OTP: variants seen among roughly 807,000 people sequenced by gnomAD.
OTP encodes homeobox protein orthopedia.
OTP carries 5 observed loss-of-function variants against 22.3 expected under a neutral mutation model. That is an observed-to-expected ratio of 0.22 (90% CI 0.12 to 0.47). OTP has a LOEUF of 0.47. OTP is among the 20% of genes least tolerant of loss of function. The pLI is 0.99. For missense variants in OTP, 428 were observed against 456.2 expected (o/e 0.94, Z 0.56); for synonymous variants, 229 against 210.6 (o/e 1.09, Z -0.76).
Position 77,630,447 on chromosome 5 carries a change from C to G in OTP, c.795G>C (p.Gln265His). The G allele has an allele frequency of 6.3e-7, 1 of 1,582,192 alleles. No homozygotes were observed. The highest frequency in any genetic ancestry group is 8.6e-7 in the Non-Finnish European group (1 of 1,165,982). ...SLAGSNGAGL[Q>H]SHLYQPAFPG... is the part of the protein sequence containing the mutation. ...GGAAGGCGGGCTGGTAGAGGTGCGA[C>G]TGCAGCCCCGCGCCGTTGGAACCCG... The change falls in exon 3 of 3, where the codon CAG (glutamine) becomes CAC (histidine). Residue 265 changes from glutamine (Q) to histidine (H), a missense_variant. Around this residue, in one of 3 missense-constraint regions of OTP, gnomAD observed 236 missense variants for 238.1 expected, o/e 0.99. Transcript: ENST00000306422.
At chr5:77,636,562 C>T in intron 2 of OTP, 1 of 426,178 alleles carries the variant, frequency 2.3e-6, no homozygotes, top group East Asian at 3.8e-5. Context: ...CCCTGTAGCC[C>T]GACAACGCCG....
chr5:77,633,335 A>G (rs1283585625), intron 2 of OTP, among the ~76,000 whole-genome samples: 1 of 152,184 alleles, frequency 6.6e-6, no homozygotes, highest in Non-Finnish European at 1.5e-5. Context: ...TGATGGCTAC[A>G]AATTTTTTTA....
At chr5:77,631,546 C>T (rs1042003698) in intron 2 of OTP, among the ~76,000 whole-genome samples, 5 of 138,446 alleles carry the variant, frequency 3.6e-5, no homozygotes, top group Non-Finnish European at 7.8e-5. Flanking sequence ...GCCTTCAACC[C>T]TATTCTTTTT....
At position 77,629,691 on chromosome 5, in the gene OTP, G is replaced by T. The variant is rs1022851793; in HGVS notation, c.*573C>A. On this transcript the variant is annotated 3_prime_UTR_variant, in exon 3 of 3. Transcript: ENST00000306422. ...GTAGCGTCTGAGCGTGAGCGAGAGT[G>T]CGAGTGTGTGTGTTTCTGCCCACAA... is the stretch of plus-strand genomic sequence containing the variant. 1.3e-5 allele frequency: 2 copies of T among 153,264 alleles called. No homozygotes were observed. The highest frequency in any genetic ancestry group is 4.8e-5 in the African/African-American group (2 of 41,480). The allele number at this position is 153,264 out of a possible 1,614,324, so 9.5% of individuals were successfully genotyped here.
At chr5:77,635,865 T>C (rs1439298711) in intron 2 of OTP, 1 of 151,294 alleles carries the variant, frequency 6.6e-6, no homozygotes, top group East Asian at 1.9e-4. Flanking sequence ...CAGGCACCTG[T>C]CCATAAAATA....
At chr5:77,638,417 A>G in intron 1 of OTP, 96 bp downstream of exon 1, 3 of 1,156,406 alleles carry the variant, frequency 2.6e-6, no homozygotes, top group Non-Finnish European at 3.8e-6. Context: ...TAAAGAAATT[A>G]GTCCATTTAG....
chr5:77,630,608 C>A lies in OTP; in HGVS notation c.634G>T (p.Ala212Ser). Residue 212 changes from alanine to serine, a missense_variant, in exon 3 of 3, where the codon GCC becomes TCC. Physicochemically the swap from Ala to Ser is moderately conservative, Grantham distance 99. Coordinates refer to ENST00000306422, the MANE Select transcript of OTP (RefSeq NM_032109.3). ...AGCTGTGACACGCCAGGCATGGCGGCCGCCGCCCAGCGGGTGTCGTTGGCG... is the reference window on the plus strand; with the variant it reads ...AGCTGTGACACGCCAGGCATGGCGGACGCCGCCCAGCGGGTGTCGTTGGCG... ...FHANDTRWAAAAMPGVSQLPL... is the reference protein window; with the variant it reads ...FHANDTRWAASAMPGVSQLPL... 3 of 1,552,152 alleles carry A rather than the reference C, an allele frequency of 1.9e-6. No homozygotes were observed. Among genetic ancestry groups the A allele is most frequent in the Non-Finnish European group, 2.6e-6 (3 of 1,156,110 alleles).
Position 77,630,746 on chromosome 5 carries a change from T to A in OTP, c.496A>T (p.Thr166Ser). 6.3e-7 allele frequency: 1 copy of A among 1,579,768 alleles called. No individual in the cohort carries two copies. The highest frequency in any genetic ancestry group is 8.5e-7 in the Non-Finnish European group (1 of 1,171,408). ...GTGCCGGGCGCACGGAACACGTTGG[T>A]CGTCTTTTTGCGCTTCTTCCACTTG... Reference protein sequence around the residue: ...RAKWKKRKKTTNVFRAPGTLL... With the variant: ...RAKWKKRKKTSNVFRAPGTLL... The change falls in exon 3 of 3, where the codon ACC becomes TCC. Residue 166 changes from threonine to serine, a missense_variant. Physicochemically the swap from Thr to Ser is moderately conservative, Grantham distance 58. Coordinates refer to ENST00000306422, the MANE Select transcript of OTP (RefSeq NM_032109.3).
rs1400348574 is a variant in OTP at position 77,631,714 on chromosome 5, G to A, written c.448-920C>T. 4.6e-5 allele frequency among the ~76,000 whole-genome samples: 7 copies of A among 151,980 alleles called. No homozygotes were observed. In the East Asian group the frequency reaches 1.4e-3, roughly 29 times the overall value. ...CGAGTAGCTAGGATTACAGAAACGC[G>A]CCACCATGCCCAGATAATTTTTGTA... On this transcript the variant is annotated intron_variant, in intron 2 of 2. Coordinates refer to ENST00000306422, the MANE Select transcript of OTP (RefSeq NM_032109.3).
At chr5:77,630,906 G>T in intron 2 of OTP, 112 bp from the exon 3 acceptor site, 3 of 1,217,428 alleles carry the variant, frequency 2.5e-6, no homozygotes, top group Admixed American at 3.0e-5. Context: ...TCTGCCCTGG[G>T]AGGAACAAGT....
chr5:77,629,975 G>A lies in OTP; in HGVS notation c.*289C>T, dbSNP rs550882719. The A allele has an allele frequency of 2.5e-5, 5 of 198,636 alleles. No homozygotes were observed. The highest frequency in any genetic ancestry group is 6.0e-5 in the Admixed American group (1 of 16,590). 12.3% of individuals were successfully genotyped at this position (198,636 alleles called of 1,614,324 possible). On this transcript the variant is annotated 3_prime_UTR_variant, in exon 3 of 3. Transcript: ENST00000306422. Reference sequence around the variant, plus strand: ...GGAGGCCAGGGTGGCGGGAAGGGTGGGCTGAGGCGCTGGAGACCGAGCCGA... The same window carrying A: ...GGAGGCCAGGGTGGCGGGAAGGGTGAGCTGAGGCGCTGGAGACCGAGCCGA...
chr5:77,631,991 C>T (rs935931725), intron 2 of OTP, among the ~76,000 whole-genome samples: 2 of 152,166 alleles, frequency 1.3e-5, no homozygotes, highest in Non-Finnish European at 2.9e-5. Context: ...AAGGAGGTCA[C>T]ATTTCACTAC....
chr5:77,631,482 C>G (rs1265756376), intron 2 of OTP, among the ~76,000 whole-genome samples: 1 of 151,376 alleles, frequency 6.6e-6, no homozygotes, highest in African/African-American at 2.4e-5. Context: ...CCAAACCACT[C>G]TATGGACACC....
At chr5:77,631,193 G>A (rs908128560) in intron 2 of OTP, among the ~76,000 whole-genome samples, 3 of 152,372 alleles carry the variant, frequency 2.0e-5, no homozygotes, top group Middle Eastern at 3.4e-3. Context: ...GTGTACCCAT[G>A]TAGCTTAATA....
At chr5:77,635,392 A>G (rs186654962) in intron 2 of OTP, among the ~76,000 whole-genome samples, 1 of 152,350 alleles carries the variant, frequency 6.6e-6, no homozygotes, top group East Asian at 1.9e-4. Flanking sequence ...CAGTTACACA[A>G]TTAGTACTCT....
intron 2 of OTP, chr5:77,636,516 G>T (rs1049156054): frequency 3.0e-6 from 1 of 334,924 alleles, no homozygotes; most frequent in Non-Finnish European, 5.4e-6. Context: ...CGCCCGGGGG[G>T]GCGCTGAGGT....
chr5:77,630,889 C>T, intron 2 of OTP, 95 bp from the exon 3 acceptor site: 1 of 1,310,102 alleles, frequency 7.6e-7, no homozygotes, highest in Non-Finnish European at 1.0e-6. Flanking sequence ...GCCTCGGATA[C>T]AGCCGCTCTG....
rs907137334 is a variant in OTP at position 77,630,057 on chromosome 5, G to A, written c.*207C>T. The A allele has an allele frequency of 1.1e-5, 3 of 275,146 alleles. No individual in the cohort carries two copies. The highest frequency in any genetic ancestry group is 2.0e-5 in the Non-Finnish European group (3 of 148,950). 17.0% of individuals were successfully genotyped at this position (275,146 alleles called of 1,614,324 possible). A position where few individuals can be genotyped will look rare whatever the true frequency, so the allele number is the denominator to read the frequency against. On this transcript the variant is annotated 3_prime_UTR_variant, in exon 3 of 3. Transcript: ENST00000306422. ...GGCCGGGAGACGGGGGACCGCGGGC[G>A]ATCGAAATCAGGCGGAGGGGAGGCC...
At chr5:77,635,333 T>A (rs1248621056) in intron 2 of OTP, among the ~76,000 whole-genome samples, 1 of 152,232 alleles carries the variant, frequency 6.6e-6, no homozygotes, top group Non-Finnish European at 1.5e-5. Context: ...AGATATTTTT[T>A]AAAAGGTGAA....
Sources: allele counts gnomAD v4.1 joint callset (sites outside exome capture counted in the v4.1 genomes callset), GRCh38; gene constraint gnomAD v4.1.1; regional missense constraint gnomAD v4.1.1; transcripts MANE v1.5; gene names NCBI Gene and HGNC (gene_info 2026-07-23, HGNC 2026-07-21).